CYFIP1: variants seen among roughly 807,000 people sequenced by gnomAD.
CYFIP1 encodes cytoplasmic FMR1-interacting protein 1.
A neutral mutation model predicts 163.5 loss-of-function variants in CYFIP1; 58 were observed. The observed-to-expected ratio is 0.35, with a 90% CI of 0.29 to 0.44. The LOEUF is 0.44. CYFIP1 is among the 20% of genes least tolerant of loss of function. The pLI is 1.00. For synonymous variants in CYFIP1, 663 were observed against 660.7 expected (o/e 1.00, Z -0.05); for missense variants, 1,338 against 1,653.8 (o/e 0.81, Z 3.31).
chr15:22,933,323 T>C (rs1266863753), intron 10 of CYFIP1, among the ~76,000 whole-genome samples: 1 of 151,846 alleles, frequency 6.6e-6, no homozygotes, highest in African/African-American at 2.4e-5. Flanking sequence ...TTCTTTCTTT[T>C]TTTTTTTTTG....
At chr15:22,874,742 T>A in intron 27 of CYFIP1, 98 bp from the exon 28 acceptor site, 1 of 735,992 alleles carries the variant, frequency 1.4e-6, no homozygotes, top group Non-Finnish European at 2.0e-6. Context: ...ATTTTTAAGT[T>A]AACATTATGG....
At chr15:22,972,159 G>C (rs898614050) in intron 1 of CYFIP1, among the ~76,000 whole-genome samples, 1 of 152,176 alleles carries the variant, frequency 6.6e-6, no homozygotes, top group Non-Finnish European at 1.5e-5. Context: ...ACAGAGGCTG[G>C]GCATGGTGGC....
intron 8 of CYFIP1, among the ~76,000 whole-genome samples, chr15:22,937,515 GT>G (rs767484579): frequency 2.8e-4 from 42 of 151,516 alleles, no homozygotes; most frequent in Non-Finnish European, 5.2e-4. Context: ...AAGTAATTGC[GT>G]TTTTTTTGCC....
At chr15:22,913,527 CAAAAAAAAAAAA>C (rs35228444) in intron 17 of CYFIP1, among the ~76,000 whole-genome samples, 1 of 10,286 alleles carries the variant, frequency 9.7e-5, no homozygotes, top group Non-Finnish European at 1.7e-4. Flanking sequence ...GGCTCTGTCT[CAAAAAAAAAAAA>C]AAAAAAAAAA....
intron 1 of CYFIP1, among the ~76,000 whole-genome samples, chr15:22,956,151 G>A (rs1367862152): frequency 6.6e-6 from 1 of 152,094 alleles, no homozygotes. Context: ...AGGTTGTAGT[G>A]AGCTGAGATC....
At chr15:22,903,007 A>G (rs1004463088) in intron 22 of CYFIP1, among the ~76,000 whole-genome samples, 2 of 152,168 alleles carry the variant, frequency 1.3e-5, no homozygotes, top group South Asian at 2.1e-4. Flanking sequence ...AGGCAAGCAC[A>G]AGCACTTATT....
intron 1 of CYFIP1, among the ~76,000 whole-genome samples, chr15:22,963,650 C>T (rs985317539): frequency 1.3e-5 from 2 of 152,130 alleles, no homozygotes; most frequent in African/African-American, 4.8e-5. Context: ...ACTCTTCAAG[C>T]GGAAGTGTGT....
rs2140116200 is a variant in CYFIP1, at chr15:22,947,030, A to G, written c.180T>C (p.Ile60=). Reference sequence around the variant, plus strand: ...TGCTAGAGTGGACGGTGGCTTGTTCAATGTATCTTGCGATGCCAGTAACAA... The same window carrying G: ...TGCTAGAGTGGACGGTGGCTTGTTCGATGTATCTTGCGATGCCAGTAACAA... ...NAFVTGIARY[I]EQATVHSSMN... Residue 60 remains isoleucine (I), a synonymous_variant, in exon 3 of 31, where the codon ATT becomes ATC. Coordinates refer to ENST00000617928, the MANE Select transcript of CYFIP1 (RefSeq NM_014608.6). 6.2e-7 allele frequency: 1 copy of G among 1,614,142 alleles called. No individual in the cohort carries two copies. Among genetic ancestry groups the G allele is most frequent in the South Asian group, 1.1e-5 (1 of 91,080 alleles).
intron 1 of CYFIP1, among the ~76,000 whole-genome samples, chr15:22,974,694 C>T (rs2063209248): frequency 1.3e-5 from 2 of 152,174 alleles, no homozygotes; most frequent in Admixed American, 6.5e-5. Context: ...CACACCACTG[C>T]ACTCCAGCCT....
At chr15:22,874,791 T>A in intron 27 of CYFIP1, 147 bp from the exon 28 acceptor site, 1 of 607,178 alleles carries the variant, frequency 1.6e-6, no homozygotes, top group Non-Finnish European at 2.7e-6. Context: ...CAGAACTGGC[T>A]CATTTAATAT....
rs1172135021 is a variant in CYFIP1 at position 22,947,037 on chromosome 15, C to T, written c.173G>A (p.Arg58Lys). 1 of 1,614,128 alleles carries T rather than the reference C, an allele frequency of 6.2e-7. No homozygotes were observed. Among genetic ancestry groups the T allele is most frequent in the Non-Finnish European group, 8.5e-7 (1 of 1,179,994 alleles). Residue 58 changes from arginine to lysine, a missense_variant, in exon 3 of 31, where the codon AGA (arginine) becomes AAA (lysine). Around this residue, in one of 4 missense-constraint regions of CYFIP1, gnomAD observed 186 missense variants for 288.3 expected, o/e 0.65. Coordinates refer to ENST00000617928, the MANE Select transcript of CYFIP1 (RefSeq NM_014608.6). ...DRNAFVTGIA[R>K]YIEQATVHSS... ...GTGGACGGTGGCTTGTTCAATGTAT[C>T]TTGCGATGCCAGTAACAAATGCATT...
chr15:22,923,062 T>G (rs1448158052), intron 13 of CYFIP1, among the ~76,000 whole-genome samples: 13 of 151,162 alleles, frequency 8.6e-5, no homozygotes, highest in African/African-American at 3.2e-4. Flanking sequence ...GGTTACACAA[T>G]GATTTCTTAT....
chr15:22,933,781 G>A (rs990998992), intron 10 of CYFIP1, 21 bp downstream of exon 10: 2 of 1,581,654 alleles, frequency 1.3e-6, no homozygotes, highest in Non-Finnish European at 1.7e-6. Flanking sequence ...CTCAAACCAG[G>A]CAGCTTTCCT....
At chr15:22,936,992 C>A in intron 9 of CYFIP1, 112 bp downstream of exon 9, 4 of 733,590 alleles carry the variant, frequency 5.5e-6, no homozygotes, top group Admixed American at 4.3e-5. Context: ...CCAGACTCCA[C>A]CCAGCCCCAG....
chr15:22,979,253 C>T (rs1282993111), intron 1 of CYFIP1, among the ~76,000 whole-genome samples: 1 of 152,160 alleles, frequency 6.6e-6, no homozygotes, highest in Non-Finnish European at 1.5e-5. Flanking sequence ...GCTGGCCACC[C>T]GCAGGGAAAA....
At chr15:22,976,688 C>T (rs58312877) in intron 1 of CYFIP1, among the ~76,000 whole-genome samples, 75,559 of 151,994 alleles carry the variant, frequency 0.5, 19,327 homozygotes, top group African/African-American at 0.61. Context: ...TCTCTTACTG[C>T]GCCTAATTTG....
At chr15:22,896,324 C>T (rs1414969070) in intron 22 of CYFIP1, among the ~76,000 whole-genome samples, 2 of 152,010 alleles carry the variant, frequency 1.3e-5, no homozygotes, top group African/African-American at 2.4e-5. Context: ...TCCTTTGTGT[C>T]GATCCTGCTT....
rs1482732237 is a variant in CYFIP1, at chr15:22,884,966, G to A, written c.2677-1955C>T. Among the ~76,000 whole-genome samples the A allele has an allele frequency of 5.9e-5, 9 of 151,478 alleles. No homozygotes were observed. The East Asian group carries it at 1.8e-3, about 30-fold the overall frequency. Reference sequence around the variant, plus strand: ...GTCCTGAAGCTGCACGGGGATGGGGGGTGGGGTGGGGAGGTGGGGGAGGGG... The same window carrying A: ...GTCCTGAAGCTGCACGGGGATGGGGAGTGGGGTGGGGAGGTGGGGGAGGGG... On this transcript the variant is annotated intron_variant, in intron 23 of 30. Transcript: ENST00000617928.
At position 22,870,021 on chromosome 15, in the gene CYFIP1, C is replaced by T. The variant is rs199636573; in HGVS notation, c.*7G>A. On this transcript the variant is annotated 3_prime_UTR_variant, in exon 31 of 31. Coordinates refer to ENST00000617928, the MANE Select transcript of CYFIP1 (RefSeq NM_014608.6). The stretch of plus-strand genomic sequence containing the variant: ...CCATGTTGAGTTACGGAGTGCAGCG[C>T]GTGCCCTCAGCTGCTGGCGAGGGAC... 21 of 1,593,838 alleles carry T rather than the reference C, an allele frequency of 1.3e-5. 1 individual carries two copies. The highest frequency in any genetic ancestry group is 9.2e-5 in the Admixed American group (5 of 54,056).
Sources: gnomAD v4.1 joint callset for allele counts (sites outside exome capture counted in the v4.1 genomes callset) on GRCh38, gnomAD v4.1.1 for gene constraint, gnomAD v4.1.1 regional missense constraint, MANE v1.5 for transcripts, NCBI Gene and HGNC (gene_info 2026-07-23, HGNC 2026-07-21) for gene names.